The following SLC2A13 variants were observed in gnomAD, a reference collection of about 807,000 sequenced individuals.
SLC2A13 encodes proton myo-inositol cotransporter.
A neutral mutation model predicts 64.4 loss-of-function variants in SLC2A13; 32 were observed. The observed-to-expected ratio is 0.50, with a 90% CI of 0.37 to 0.67. The LOEUF (loss-of-function observed/expected upper bound fraction) is 0.67. SLC2A13 is among the 30% of genes least tolerant of loss of function. The probability of loss-of-function intolerance (pLI) is 0.00; values close to 1 mark genes in which losing one functional copy is unlikely to be tolerated. For missense variants in SLC2A13, 743 were observed against 829.2 expected (o/e 0.90, Z 1.28); for synonymous variants, 338 against 327.1 (o/e 1.03, Z -0.36).
intron 7 of SLC2A13, among the ~76,000 whole-genome samples, chr12:39,773,929 T>A (rs1209238244): frequency 6.6e-6 from 1 of 152,214 alleles, no homozygotes; most frequent in East Asian, 1.9e-4. Context: ...TGCACAAGCT[T>A]GCTAATTCAT....
intron 6 of SLC2A13, among the ~76,000 whole-genome samples, chr12:39,862,396 CTA>C (rs1427263043): frequency 6.6e-6 from 1 of 152,172 alleles, no homozygotes; most frequent in African/African-American, 2.4e-5. Flanking sequence ...TCACTGTGGT[CTA>C]TAGATTTCTA....
Position 39,990,143 on chromosome 12 carries a change from C to T in SLC2A13, c.925+38158G>A, listed in dbSNP as rs1372914204. 2.0e-5 allele frequency among the ~76,000 whole-genome samples: 3 copies of T among 152,240 alleles called. No individual in the cohort carries two copies. In the East Asian group the frequency reaches 5.8e-4, roughly 29 times the overall value. On this transcript the variant is annotated intron_variant, in intron 3 of 9. Coordinates refer to ENST00000280871, the MANE Select transcript of SLC2A13 (RefSeq NM_052885.4). ...CACCTATGGCCATGTATTCTGGAGT[C>T]ATAACGATCAAATATTAGTTCCTTT...
intron 4 of SLC2A13, among the ~76,000 whole-genome samples, chr12:39,902,611 T>C (rs984681145): frequency 3.3e-5 from 5 of 152,082 alleles, no homozygotes; most frequent in African/African-American, 7.2e-5. Context: ...AAGTGAAATC[T>C]AGAAAAAGAT....
intron 3 of SLC2A13, among the ~76,000 whole-genome samples, chr12:40,013,755 C>A (rs528998582): frequency 6.6e-6 from 1 of 152,228 alleles, no homozygotes; most frequent in Non-Finnish European, 1.5e-5. Context: ...TGAGCTCTTA[C>A]GTGTGCGGCC....
At chr12:39,957,008 T>A (rs1012256577) in intron 3 of SLC2A13, among the ~76,000 whole-genome samples, 1 of 151,992 alleles carries the variant, frequency 6.6e-6, no homozygotes, top group Admixed American at 6.6e-5. Context: ...CACAGCAAGA[T>A]CCCCCAACAC....
chr12:40,104,455 T>C (rs1218713167), intron 1 of SLC2A13, among the ~76,000 whole-genome samples: 1 of 152,216 alleles, frequency 6.6e-6, no homozygotes. Context: ...CAAACATTTA[T>C]CTTGCGGGGC....
At chr12:39,951,105 A>G in intron 4 of SLC2A13, 152 bp downstream of exon 4, 1 of 564,442 alleles carries the variant, frequency 1.8e-6, no homozygotes, top group Admixed American at 3.9e-5. Flanking sequence ...GAATTAAAAA[A>G]TTGTAAAGTC....
At chr12:39,775,203 C>T (rs985211574) in intron 7 of SLC2A13, among the ~76,000 whole-genome samples, 5 of 152,102 alleles carry the variant, frequency 3.3e-5, no homozygotes, top group Admixed American at 2.0e-4. Context: ...AATTAAGGTA[C>T]AACTGAATAA....
chr12:40,053,922 G>A (rs1442559774), intron 1 of SLC2A13, among the ~76,000 whole-genome samples: 2 of 152,140 alleles, frequency 1.3e-5, no homozygotes, highest in Non-Finnish European at 2.9e-5. Flanking sequence ...TGAAGGCTTT[G>A]TCACCCCAAA....
chr12:39,770,456 C>G (rs993259066), intron 7 of SLC2A13, among the ~76,000 whole-genome samples: 1 of 152,140 alleles, frequency 6.6e-6, no homozygotes, highest in African/African-American at 2.4e-5. Context: ...ATATAATGAG[C>G]ACTTTTTATG....
At chr12:39,988,509 A>T (rs77029595) in intron 3 of SLC2A13, among the ~76,000 whole-genome samples, 3 of 147,584 alleles carry the variant, frequency 2.0e-5, no homozygotes, top group African/African-American at 5.0e-5. Flanking sequence ...AAAGAAAGAA[A>T]GAATGAACGA....
At chr12:39,852,799 A>G (rs1943505310) in intron 6 of SLC2A13, among the ~76,000 whole-genome samples, 1 of 152,146 alleles carries the variant, frequency 6.6e-6, no homozygotes, top group Non-Finnish European at 1.5e-5. Context: ...ATTGGTTGTG[A>G]CCTCGTCTTC....
At chr12:40,022,359 C>A (rs1242753695) in intron 3 of SLC2A13, among the ~76,000 whole-genome samples, 7 of 152,180 alleles carry the variant, frequency 4.6e-5, no homozygotes, top group African/African-American at 1.4e-4. Flanking sequence ...AACTAGTGGG[C>A]CTGCATCTAA....
intron 4 of SLC2A13, among the ~76,000 whole-genome samples, chr12:39,900,209 C>T (rs1246772598): frequency 6.6e-6 from 1 of 152,056 alleles, no homozygotes; most frequent in Non-Finnish European, 1.5e-5. Flanking sequence ...TAAGAGCTAT[C>T]TATGACAACC....
At chr12:39,892,135 T>A (rs945026670) in intron 4 of SLC2A13, among the ~76,000 whole-genome samples, 1 of 152,198 alleles carries the variant, frequency 6.6e-6, no homozygotes, top group African/African-American at 2.4e-5. Flanking sequence ...CTGCTCCACA[T>A]AGCATGCTAC....
intron 1 of SLC2A13, among the ~76,000 whole-genome samples, chr12:40,078,183 T>C (rs1938253012): frequency 6.6e-6 from 1 of 152,188 alleles, no homozygotes; most frequent in South Asian, 2.1e-4. Context: ...CATCCAGTAC[T>C]ATGCTGAATA....
chr12:39,768,194 T>C (rs944834989), intron 7 of SLC2A13, among the ~76,000 whole-genome samples: 1 of 152,054 alleles, frequency 6.6e-6, no homozygotes, highest in Non-Finnish European at 1.5e-5. Context: ...CTTCCTCACC[T>C]CTCTCAGCCT....
intron 3 of SLC2A13, among the ~76,000 whole-genome samples, chr12:39,968,798 A>ATC (rs1946584767): frequency 2.6e-5 from 2 of 77,372 alleles, no homozygotes; most frequent in South Asian, 4.7e-4. Flanking sequence ...ATATATATAT[A>ATC]TATATATATC....
chr12:39,881,882 T>C (rs1944344174), intron 4 of SLC2A13, among the ~76,000 whole-genome samples: 1 of 152,006 alleles, frequency 6.6e-6, no homozygotes, highest in South Asian at 2.1e-4. Flanking sequence ...GCCTCACAAG[T>C]TTCTTCTCCA....
Sources: gnomAD v4.1 joint callset for allele counts (sites outside exome capture counted in the v4.1 genomes callset) on GRCh38, gnomAD v4.1.1 for gene constraint, MANE v1.5 for transcripts, NCBI Gene and HGNC (gene_info 2026-07-23, HGNC 2026-07-21) for gene names.